The following MRPL48 variants were observed in gnomAD, a reference collection of about 807,000 sequenced individuals.
The protein encoded by MRPL48 is large ribosomal subunit protein mL48.
In MRPL48, 16 loss-of-function variants were observed where a neutral mutation model predicts 32.9. The ratio of observed to expected loss-of-function variants is 0.49; its 90% CI spans 0.33 to 0.74. The LOEUF (loss-of-function observed/expected upper bound fraction) is 0.74, where lower values mean the gene tolerates loss of function less well. Among genes scored for constraint, MRPL48 ranks in the 30% least tolerant of loss-of-function variants. MRPL48 has a pLI of 0.02. For missense variants in MRPL48, 206 were observed against 245.3 expected (o/e 0.84, Z 1.07); for synonymous variants, 94 against 89.2 (o/e 1.05, Z -0.31).
chr11:73,791,112 C>T (rs1044044200), intron 1 of MRPL48, among the ~76,000 whole-genome samples: 2 of 151,910 alleles, frequency 1.3e-5, no homozygotes, highest in African/African-American at 4.8e-5. Context: ...TCTGGAACTC[C>T]TGGGCTCAAG....
intron 7 of MRPL48, among the ~76,000 whole-genome samples, chr11:73,863,919 A>G (rs1948626226): frequency 6.6e-6 from 1 of 152,152 alleles, no homozygotes; most frequent in South Asian, 2.1e-4. Flanking sequence ...GGGGACAGAG[A>G]CAGCATGTGC....
At chr11:73,840,795 C>T (rs773877825) in intron 4 of MRPL48, among the ~76,000 whole-genome samples, 4 of 151,776 alleles carry the variant, frequency 2.6e-5, no homozygotes, top group Non-Finnish European at 2.9e-5. Context: ...CCACCACACC[C>T]GGCCAACCCT....
chr11:73,825,910 T>C, intron 4 of MRPL48, 114 bp downstream of exon 4: 1 of 893,442 alleles, frequency 1.1e-6, no homozygotes, highest in Non-Finnish European at 1.6e-6. Context: ...TAAAGTTGCC[T>C]CTCAATCCTT....
At chr11:73,855,304 A>G (rs1319876338) in intron 5 of MRPL48, among the ~76,000 whole-genome samples, 2 of 151,670 alleles carry the variant, frequency 1.3e-5, no homozygotes, top group African/African-American at 4.8e-5. Context: ...CCGTAGGATC[A>G]CAATAAAAGT....
At chr11:73,834,371 A>G (rs1948050575) in intron 4 of MRPL48, among the ~76,000 whole-genome samples, 1 of 152,154 alleles carries the variant, frequency 6.6e-6, no homozygotes, top group Admixed American at 6.5e-5. Flanking sequence ...TACTTATCAT[A>G]TTACTTCTAT....
At chr11:73,863,085 G>A in intron 6 of MRPL48, 87 bp from the exon 7 acceptor site, 1 of 1,153,766 alleles carries the variant, frequency 8.7e-7, no homozygotes, top group Non-Finnish European at 1.3e-6. Flanking sequence ...CTCTACTGGA[G>A]CTGGCATTTG....
intron 5 of MRPL48, among the ~76,000 whole-genome samples, chr11:73,854,459 G>A (rs1030044020): frequency 6.6e-6 from 1 of 152,092 alleles, no homozygotes; most frequent in African/African-American, 2.4e-5. Flanking sequence ...GCTAATTTTT[G>A]TATTTTTAGT....
Position 73,844,784 on chromosome 11 carries a change from TTCTC to T in MRPL48, c.202-19_202-16del. The T allele has an allele frequency of 1.3e-6, 2 of 1,599,004 alleles. No individual in the cohort carries two copies. The highest frequency in any genetic ancestry group is 2.2e-5 in the East Asian group (1 of 44,770). ...TTTCTTGTATAATACTTTATTTTCTTTCTCTCTTTGTTTTCTCTTCAGCCCAAGA... is the reference window on the plus strand; with the variant it reads ...TTTCTTGTATAATACTTTATTTTCTTTCTTTGTTTTCTCTTCAGCCCAAGA... On this transcript the variant is annotated intron_variant, in intron 4 of 7. Coordinates refer to ENST00000310614, the MANE Select transcript of MRPL48 (RefSeq NM_016055.6).
chr11:73,855,117 A>T (rs1458510896), intron 5 of MRPL48, among the ~76,000 whole-genome samples: 2 of 152,184 alleles, frequency 1.3e-5, no homozygotes, highest in Admixed American at 6.5e-5. Context: ...TTATTATTAT[A>T]GAAGCTTGCC....
intron 1 of MRPL48, among the ~76,000 whole-genome samples, chr11:73,790,311 C>T (rs4471449): frequency 0.52 from 73,747 of 141,980 alleles, 19,877 homozygotes; most frequent in African/African-American, 0.71. Flanking sequence ...CCTCGTGATC[C>T]GGATCCGCCC....
intron 3 of MRPL48, among the ~76,000 whole-genome samples, chr11:73,808,634 C>T (rs1590944063): frequency 6.6e-6 from 1 of 152,008 alleles, no homozygotes; most frequent in East Asian, 1.9e-4. Context: ...AATGAGCAGG[C>T]TGTGAGGCCG....
intron 4 of MRPL48, among the ~76,000 whole-genome samples, chr11:73,838,215 T>C (rs1249749085): frequency 6.6e-6 from 1 of 152,164 alleles, no homozygotes; most frequent in Non-Finnish European, 1.5e-5. Context: ...TCAGTAGGCA[T>C]TGAGAGAATG....
intron 5 of MRPL48, among the ~76,000 whole-genome samples, chr11:73,858,992 G>T (rs913430315): frequency 5.3e-5 from 8 of 152,232 alleles, no homozygotes; most frequent in African/African-American, 1.7e-4. Context: ...TCTGGGAGAA[G>T]TTGCCCCTCA....
chr11:73,849,198 G>A (rs1194456630), intron 5 of MRPL48, among the ~76,000 whole-genome samples: 1 of 152,082 alleles, frequency 6.6e-6, no homozygotes, highest in Admixed American at 6.6e-5. Flanking sequence ...GTGCAGTGGC[G>A]CAATCTCGGC....
In MRPL48 at chr11:73,795,569, C is replaced by T. The variant is rs147796499; in HGVS notation, c.21+7577C>T. On this transcript the variant is annotated intron_variant, in intron 1 of 7. Coordinates refer to ENST00000310614, the MANE Select transcript of MRPL48 (RefSeq NM_016055.6). ...TCACCCAGGCTGGAGTACAGTGGCG[C>T]GATCTCCGCTCACTGCAAGCCCCGC... Among the ~76,000 whole-genome samples, 953 of 151,652 alleles carry T rather than the reference C, an allele frequency of 6.3e-3. 12 individuals carry two copies. The highest frequency in any genetic ancestry group is 0.022 in the African/African-American group (907 of 41,308).
At chr11:73,860,689 C>T (rs555273112) in intron 6 of MRPL48, among the ~76,000 whole-genome samples, 2 of 152,208 alleles carry the variant, frequency 1.3e-5, no homozygotes, top group East Asian at 1.9e-4. Context: ...TAACATCATC[C>T]CCCTTTGAAT....
At chr11:73,807,631 CTTTTTTTTTTTT>C (rs777408873) in intron 2 of MRPL48, among the ~76,000 whole-genome samples, 2 of 106,822 alleles carry the variant, frequency 1.9e-5, no homozygotes, top group East Asian at 2.9e-4. Context: ...GTATTATTAT[CTTTTTTTTTTTT>C]TTTTTTTTTT....
intron 6 of MRPL48, 36 bp downstream of exon 6, chr11:73,860,045 T>C: frequency 6.5e-7 from 1 of 1,535,376 alleles, no homozygotes; most frequent in Non-Finnish European, 8.9e-7. Flanking sequence ...TGTATTTGCT[T>C]CTCCTGGTTC....
chr11:73,862,646 T>C (rs1283753757), intron 6 of MRPL48, among the ~76,000 whole-genome samples: 1 of 152,042 alleles, frequency 6.6e-6, no homozygotes, highest in African/African-American at 2.4e-5. Context: ...TTGGGTGCCA[T>C]GGTTCATGCC....
Sources: gnomAD v4.1 joint callset for allele counts (sites outside exome capture counted in the v4.1 genomes callset) on GRCh38, gnomAD v4.1.1 for gene constraint, MANE v1.5 for transcripts, NCBI Gene and HGNC (gene_info 2026-07-23, HGNC 2026-07-21) for gene names.